The following TICAM2 variants were observed in gnomAD, a reference collection of about 807,000 sequenced individuals.
TICAM2 encodes TIR domain-containing adapter molecule 2.
In TICAM2, 8 loss-of-function variants were observed where a neutral mutation model predicts 7.3. That is an observed-to-expected ratio of 1.10 (90% CI 0.65 to 1.99). The LOEUF (loss-of-function observed/expected upper bound fraction) is 1.99. TICAM2 is among the 30% of genes most tolerant of loss of function. The pLI is 0.00. For missense variants in TICAM2, 304 were observed against 278.8 expected, an observed-to-expected ratio of 1.09 and a Z score of -0.65; for synonymous variants, 113 against 99.6, an observed-to-expected ratio of 1.13 and a Z score of -0.80.
chr5:115,592,582 T>C (rs550108721), intron 1 of TICAM2, among the ~76,000 whole-genome samples: 34 of 151,904 alleles, frequency 2.2e-4, no homozygotes, highest in African/African-American at 8.0e-4. Flanking sequence ...AGTAGCCAAA[T>C]ATGTAAAGAA....
chr5:115,580,417 C>T lies in TICAM2; in HGVS notation c.*132G>A, dbSNP rs543482312. 618 of 1,176,186 alleles carry T rather than the reference C, an allele frequency of 5.3e-4. 3 individuals are homozygous for T. The African/African-American group carries it at 8.6e-3, about 16-fold the overall frequency. The allele number at this position is 1,176,186 out of a possible 1,614,324, so 72.9% of individuals were successfully genotyped here. A position where few individuals can be genotyped will look rare whatever the true frequency, so the allele number is the denominator to read the frequency against. ...GGCTGTCCTGCAGAAATTTATCTTTCTTGTGCTCCATAGGTTTCTTTAAGG... is the reference window on the plus strand; with the variant it reads ...GGCTGTCCTGCAGAAATTTATCTTTTTTGTGCTCCATAGGTTTCTTTAAGG... On this transcript the variant is annotated 3_prime_UTR_variant, in exon 2 of 2. Transcript: ENST00000427199.
At chr5:115,596,875 C>T (rs1381815143) in intron 1 of TICAM2, among the ~76,000 whole-genome samples, 3 of 152,150 alleles carry the variant, frequency 2.0e-5, no homozygotes, top group Non-Finnish European at 4.4e-5. Context: ...GCCGAGATCA[C>T]GCCACTGCAC....
intron 1 of TICAM2, among the ~76,000 whole-genome samples, chr5:115,583,891 C>A (rs1388812877): frequency 6.6e-6 from 1 of 152,168 alleles, no homozygotes; most frequent in African/African-American, 2.4e-5. Flanking sequence ...ACAATGAACA[C>A]CAGGCTTAAA....
chr5:115,598,236 A>G (rs1022466302), intron 1 of TICAM2, among the ~76,000 whole-genome samples: 1 of 152,116 alleles, frequency 6.6e-6, no homozygotes, highest in Admixed American at 6.5e-5. Context: ...ATCTTTTCCA[A>G]CACCTTTGGT....
rs773834580 is a variant in TICAM2 at position 115,581,245 on chromosome 5, C to T, written c.12G>A (p.Gly4=). The change falls in exon 2 of 2, where the codon GGG becomes GGA. Residue 4 remains glycine (G), a synonymous_variant. Coordinates refer to ENST00000427199, the MANE Select transcript of TICAM2 (RefSeq NM_021649.7). ...GAGGGCAGGAATTTATTTTAGACTT[C>T]CCGATACCCATTATAAATATCCAAG... MGI[G]KSKINSCPLS... 1.9e-6 allele frequency: 3 copies of T among 1,607,240 alleles called. No homozygotes were observed. The highest frequency in any genetic ancestry group is 1.7e-6 in the Non-Finnish European group (2 of 1,179,994).
intron 1 of TICAM2, among the ~76,000 whole-genome samples, chr5:115,583,589 G>A (rs946622747): frequency 1.3e-5 from 2 of 152,132 alleles, no homozygotes; most frequent in African/African-American, 4.8e-5. Context: ...TAATCTGGAG[G>A]GAGGGAGTAA....
At chr5:115,591,036 T>G (rs925134358) in intron 1 of TICAM2, among the ~76,000 whole-genome samples, 3 of 152,046 alleles carry the variant, frequency 2.0e-5, no homozygotes, top group African/African-American at 4.8e-5. Context: ...TCAATGCTAC[T>G]GCTGAGGATA....
intron 1 of TICAM2, among the ~76,000 whole-genome samples, chr5:115,593,006 G>A (rs1755366987): frequency 6.6e-6 from 1 of 152,164 alleles, no homozygotes; most frequent in East Asian, 1.9e-4. Flanking sequence ...AGCTAGGTGT[G>A]GTGCCGCATG....
In TICAM2 at chr5:115,580,440, A is replaced by C. The variant is rs1429018201; in HGVS notation, c.*109T>G. The C allele has an allele frequency of 7.6e-6, 10 of 1,320,088 alleles. No homozygotes were observed. The highest frequency in any genetic ancestry group is 8.9e-6 in the Non-Finnish European group (9 of 1,014,820). The allele number at this position is 1,320,088 out of a possible 1,614,324, so 81.8% of individuals were successfully genotyped here. A position where few individuals can be genotyped will look rare whatever the true frequency, so the allele number is the denominator to read the frequency against. On this transcript the variant is annotated 3_prime_UTR_variant, in exon 2 of 2. Transcript: ENST00000427199. ...TTCTTGTGCTCCATAGGTTTCTTTA[A>C]GGTGAAGACTCTCTTTTATTTAAAC...
chr5:115,585,382 A>C, intron 1 of TICAM2, among the ~76,000 whole-genome samples: 1 of 152,220 alleles, frequency 6.6e-6, no homozygotes, highest in East Asian at 1.9e-4. Context: ...TGAGGAGATA[A>C]GCAGATTGTG....
intron 1 of TICAM2, among the ~76,000 whole-genome samples, chr5:115,593,520 G>T (rs543593590): frequency 6.6e-6 from 1 of 152,114 alleles, no homozygotes; most frequent in East Asian, 1.9e-4. Flanking sequence ...AATATAAAAG[G>T]AAAGTACTAA....
At chr5:115,585,507 T>C (rs1755071236) in intron 1 of TICAM2, among the ~76,000 whole-genome samples, 1 of 152,208 alleles carries the variant, frequency 6.6e-6, no homozygotes, top group Non-Finnish European at 1.5e-5. Flanking sequence ...GGTGCATGCT[T>C]CTTAGATTAT....
At chr5:115,584,264 T>C (rs1225205912) in intron 1 of TICAM2, among the ~76,000 whole-genome samples, 2 of 152,246 alleles carry the variant, frequency 1.3e-5, no homozygotes, top group Admixed American at 6.5e-5. Flanking sequence ...TTCATATGTA[T>C]ACATGACATA....
At position 115,580,537 on chromosome 5, in the gene TICAM2, A is replaced by G. The variant is rs747412065; in HGVS notation, c.*12T>C. ...ACAAAACAAGAGCCAGCCACATGTT[A>G]TATGTTTCATCTCAGGCAATAAATT... is the stretch of plus-strand genomic sequence containing the variant. On this transcript the variant is annotated 3_prime_UTR_variant, in exon 2 of 2. Transcript: ENST00000427199. 9.6e-6 allele frequency: 15 copies of G among 1,570,524 alleles called. No homozygotes were observed. The highest frequency in any genetic ancestry group is 1.3e-5 in the Non-Finnish European group (15 of 1,164,824).
chr5:115,593,819 C>CA (rs1561577566), intron 1 of TICAM2, among the ~76,000 whole-genome samples: 4 of 152,196 alleles, frequency 2.6e-5, no homozygotes, highest in African/African-American at 9.6e-5. Flanking sequence ...AAATGTTAGA[C>CA]AAATTGCTAA....
At chr5:115,599,659 T>C (rs1755644495) in intron 1 of TICAM2, among the ~76,000 whole-genome samples, 1 of 152,146 alleles carries the variant, frequency 6.6e-6, no homozygotes, top group Non-Finnish European at 1.5e-5. Flanking sequence ...TGAGGCAGCA[T>C]GCTAACAGAG....
chr5:115,591,217 G>GC (rs1451573704), intron 1 of TICAM2, among the ~76,000 whole-genome samples: 1 of 152,114 alleles, frequency 6.6e-6, no homozygotes, highest in African/African-American at 2.4e-5. Context: ...TGTGCTTTTT[G>GC]CCCCTCATGG....
intron 1 of TICAM2, among the ~76,000 whole-genome samples, chr5:115,599,396 G>A (rs900405984): frequency 6.6e-6 from 1 of 151,948 alleles, no homozygotes; most frequent in African/African-American, 2.4e-5. Flanking sequence ...GATGGTAAAG[G>A]GCAAATCTCC....
intron 1 of TICAM2, among the ~76,000 whole-genome samples, chr5:115,587,826 T>C (rs1042389932): frequency 6.6e-6 from 1 of 152,128 alleles, no homozygotes; most frequent in East Asian, 1.9e-4. Flanking sequence ...GGATACAAGT[T>C]AGTTGCTTGC....
Sources: gnomAD v4.1 joint callset for allele counts (sites outside exome capture counted in the v4.1 genomes callset) on GRCh38, gnomAD v4.1.1 for gene constraint, MANE v1.5 for transcripts, NCBI Gene and HGNC (gene_info 2026-07-23, HGNC 2026-07-21) for gene names.